Variants in GYG1 observed in about 807,000 individuals in gnomAD.
The protein encoded by GYG1 is glycogenin-1.
GYG1 carries 44 observed loss-of-function variants against 41.9 expected under a neutral mutation model. The observed-to-expected ratio is 1.05, with a 90% CI of 0.83 to 1.35. The LOEUF (loss-of-function observed/expected upper bound fraction) is 1.35. Ranked by LOEUF, GYG1 falls within the 40% of genes most tolerant of loss-of-function variation. GYG1 has a pLI of 0.00. For synonymous variants in GYG1, 141 were observed against 158.1 expected (o/e 0.89, Z 0.81); for missense variants, 429 against 418.9 (o/e 1.02, Z -0.21).
intron 5 of GYG1, among the ~76,000 whole-genome samples, chr3:149,016,083 A>AC (rs1714010353): frequency 1.3e-5 from 2 of 151,500 alleles, no homozygotes; most frequent in East Asian, 3.9e-4. Context: ...TAACAGTGAA[A>AC]CCCCGTCTCT....
intron 4 of GYG1, among the ~76,000 whole-genome samples, chr3:149,005,779 T>C (rs1713367373): frequency 6.6e-6 from 1 of 152,190 alleles, no homozygotes. Context: ...TTTGAGAGAA[T>C]TTCCATGCAG....
chr3:149,001,627 A>T (rs1221580566), intron 4 of GYG1: 1 of 152,196 alleles, frequency 6.6e-6, no homozygotes, highest in African/African-American at 2.4e-5. Flanking sequence ...TATAACAAAT[A>T]TTAATTGAGA....
chr3:149,009,360 T>C lies in GYG1; in HGVS notation c.566T>C (p.Leu189Pro). 1 of 1,610,736 alleles carries C rather than the reference T, an allele frequency of 6.2e-7. No individual in the cohort carries two copies. Among genetic ancestry groups the C allele is most frequent in the Non-Finnish European group, 8.5e-7 (1 of 1,177,134 alleles). ...AAACACCTGCCGTTTATTTATAACC[T>C]AAGCAGCATCTCTATATACTCCTAC... ...IRKHLPFIYN[L>P]SSISIYSYLP... Residue 189 changes from leucine to proline, a missense_variant, in exon 5 of 8, where the codon CTA becomes CCA. Transcript: ENST00000345003.
intron 5 of GYG1, among the ~76,000 whole-genome samples, chr3:149,016,117 TG>T (rs1714012749): frequency 1.3e-5 from 2 of 151,536 alleles, no homozygotes; most frequent in South Asian, 2.1e-4. Context: ...AAAAATTAGC[TG>T]GGTGTGGTGG....
At chr3:149,014,171 G>A (rs1344186639) in intron 5 of GYG1, among the ~76,000 whole-genome samples, 5 of 152,194 alleles carry the variant, frequency 3.3e-5, no homozygotes, top group South Asian at 2.1e-4. Context: ...CTCTTTCTCG[G>A]TGATAGTGAT....
At chr3:149,007,578 T>C (rs576085028) in intron 4 of GYG1, among the ~76,000 whole-genome samples, 82 of 152,362 alleles carry the variant, frequency 5.4e-4, no homozygotes, top group African/African-American at 1.8e-3. Context: ...CCTAAAGTCC[T>C]GATCTTACTA....
chr3:149,017,582 GT>G (rs58075146), intron 5 of GYG1, among the ~76,000 whole-genome samples: 6 of 47,378 alleles, frequency 1.3e-4, no homozygotes, highest in East Asian at 8.9e-4. Context: ...TTTTATTTAG[GT>G]TTTTTTTTTT....
At chr3:149,012,123 G>T (rs1017468974) in intron 5 of GYG1, among the ~76,000 whole-genome samples, 1 of 151,032 alleles carries the variant, frequency 6.6e-6, no homozygotes, top group African/African-American at 2.4e-5. Context: ...AGGCTGAAAA[G>T]GTACAGGTAG....
chr3:149,008,567 C>T (rs1282736911), intron 4 of GYG1, among the ~76,000 whole-genome samples: 1 of 152,340 alleles, frequency 6.6e-6, no homozygotes, highest in East Asian at 1.9e-4. Flanking sequence ...CTTCCTTCGC[C>T]CATCAGATGT....
chr3:149,012,846 A>G (rs1011526267), intron 5 of GYG1, among the ~76,000 whole-genome samples: 3 of 151,990 alleles, frequency 2.0e-5, no homozygotes, highest in African/African-American at 4.8e-5. Flanking sequence ...TTTTTTTGAG[A>G]CGGAATCTTG....
chr3:149,014,486 A>G (rs1051356402), intron 5 of GYG1, among the ~76,000 whole-genome samples: 1 of 151,804 alleles, frequency 6.6e-6, no homozygotes, highest in African/African-American at 2.4e-5. Flanking sequence ...TGAGTGGAAG[A>G]AGACATAACT....
rs567161281 is a variant in GYG1, at chr3:149,024,054, T to C, written c.610T>C (p.Phe204Leu). Residue 204 changes from phenylalanine to leucine, a missense_variant and splice_region_variant, in exon 6 of 8, where the codon TTT becomes CTT. Phe to Leu is a conservative substitution (Grantham distance 22). Coordinates refer to ENST00000345003, the MANE Select transcript of GYG1 (RefSeq NM_004130.4). ...IYSYLPAFKVFGASAKVVHFL... is the reference protein window; with the variant it reads ...IYSYLPAFKVLGASAKVVHFL... ...TTTCAACTTGCGTTCACTTGGCAGG[T>C]TTGGTGCAAGTGCCAAAGTTGTGCA... is the stretch of plus-strand genomic sequence containing the variant. The C allele has an allele frequency of 1.8e-5, 29 of 1,612,846 alleles. No homozygotes were observed. In the Admixed American group the frequency reaches 2.3e-4, roughly 13 times the overall value.
Position 149,011,772 on chromosome 3 carries a change from A to G in GYG1, c.608+2370A>G, listed in dbSNP as rs187813617. Among the ~76,000 whole-genome samples, 181 of 151,936 alleles carry G rather than the reference A, an allele frequency of 1.2e-3. 3 individuals are homozygous for G. The highest frequency in any genetic ancestry group is 0.012 in the Admixed American group (179 of 15,292). ...TGGTTTTCTTCTTCCTGGCTCAATG[A>G]ATGAGTGCTAATTTTGGAAATCCCC... On this transcript the variant is annotated intron_variant, in intron 5 of 7. Coordinates refer to ENST00000345003, the MANE Select transcript of GYG1 (RefSeq NM_004130.4).
chr3:149,025,568 A>G (rs1367963914), intron 6 of GYG1, among the ~76,000 whole-genome samples: 6 of 152,174 alleles, frequency 3.9e-5, no homozygotes, highest in Non-Finnish European at 8.8e-5. Context: ...CCTTAAAACC[A>G]CTATATTAAG....
At chr3:149,010,796 G>T (rs1260034353) in intron 5 of GYG1, among the ~76,000 whole-genome samples, 4 of 152,212 alleles carry the variant, frequency 2.6e-5, no homozygotes, top group African/African-American at 4.8e-5. Context: ...TCCTGAGACA[G>T]TTGTGAGCAG....
At chr3:149,002,680 T>A (rs1713159661) in intron 4 of GYG1, among the ~76,000 whole-genome samples, 2 of 152,174 alleles carry the variant, frequency 1.3e-5, no homozygotes, top group Non-Finnish European at 2.9e-5. Context: ...ATGCTCACTA[T>A]AGGCAGTAAT....
In GYG1 at chr3:149,030,992, T is replaced by G. The variant is rs1471766727; in HGVS notation, c.*4059T>G. ...AAATCTGTATCATCAAACATGAAGC[T>G]TCTCTTGTTTGTTAGAGTAATTAAT... is the stretch of plus-strand genomic sequence containing the variant. On this transcript the variant is annotated 3_prime_UTR_variant, in exon 8 of 8. Transcript: ENST00000345003. The G allele has an allele frequency of 1.3e-5, 2 of 152,184 alleles. No homozygotes were observed. The highest frequency in any genetic ancestry group is 4.8e-5 in the African/African-American group (2 of 41,446). The allele number at this position is 152,184 out of a possible 1,614,324, so 9.4% of individuals were successfully genotyped here.
At position 149,030,705 on chromosome 3, in the gene GYG1, A is replaced by G. The variant is rs1302487051; in HGVS notation, c.*3772A>G. On this transcript the variant is annotated 3_prime_UTR_variant, in exon 8 of 8. Transcript: ENST00000345003. ...CGGGCTAATCCCACATTATTATTCC[A>G]CTATCATCCCTGCAGAAAGGTCTTG... 1 of 152,132 alleles carries G rather than the reference A, an allele frequency of 6.6e-6. No individual in the cohort carries two copies. Among genetic ancestry groups the G allele is most frequent in the African/African-American group, 2.4e-5 (1 of 41,410 alleles). 9.4% of individuals were successfully genotyped at this position (152,132 alleles called of 1,614,324 possible). A position where few individuals can be genotyped will look rare whatever the true frequency, so the allele number is the denominator to read the frequency against.
At chr3:148,993,298 G>A (rs955807322) in intron 1 of GYG1, among the ~76,000 whole-genome samples, 4 of 134,576 alleles carry the variant, frequency 3.0e-5, no homozygotes, top group African/African-American at 8.1e-5. Flanking sequence ...ATTGGGGTGC[G>A]TGTCTGTTGG....
Sources: allele counts gnomAD v4.1 joint callset (sites outside exome capture counted in the v4.1 genomes callset), GRCh38; gene constraint gnomAD v4.1.1; transcripts MANE v1.5; gene names NCBI Gene and HGNC (gene_info 2026-07-23, HGNC 2026-07-21).